The following NLRP5 variants were observed in gnomAD, a reference collection of about 807,000 sequenced individuals.
NLRP5 encodes the protein NACHT, LRR and PYD domains-containing protein 5.
In NLRP5, 93 loss-of-function variants were observed where a neutral mutation model predicts 113.1. That is an observed-to-expected ratio of 0.82 (90% CI 0.70 to 0.98). The LOEUF (loss-of-function observed/expected upper bound fraction) is 0.98, where lower values mean the gene tolerates loss of function less well. NLRP5 is among the 50% of genes least tolerant of loss of function. The probability of loss-of-function intolerance (pLI) is 0.00; values close to 1 mark genes in which losing one functional copy is unlikely to be tolerated. For synonymous variants in NLRP5, 751 were observed against 600.7 expected, an observed-to-expected ratio of 1.25 and a Z score of -3.66; for missense variants, 1,808 against 1,514.3, an observed-to-expected ratio of 1.19 and a Z score of -3.22.
chr19:56,042,064 C>T (rs1983542007), intron 11 of NLRP5, among the ~76,000 whole-genome samples: 1 of 152,188 alleles, frequency 6.6e-6, no homozygotes, highest in South Asian at 2.1e-4. Flanking sequence ...ATCAGTTCAG[C>T]CTCCACTGGG....
intron 11 of NLRP5, among the ~76,000 whole-genome samples, chr19:56,045,698 G>T (rs1015464021): frequency 1.3e-5 from 2 of 152,052 alleles, no homozygotes; most frequent in African/African-American, 2.4e-5. Flanking sequence ...TAGTTTTATC[G>T]GTTAGGGATA....
At chr19:56,060,517 C>T (rs769954385) in intron 14 of NLRP5, among the ~76,000 whole-genome samples, 1 of 151,980 alleles carries the variant, frequency 6.6e-6, no homozygotes, top group Non-Finnish European at 1.5e-5. Flanking sequence ...TGCTTAAAGT[C>T]ACTGTTTCCA....
At chr19:56,008,906 C>T (rs886404678) in intron 3 of NLRP5, 53 bp downstream of exon 3, 13 of 1,491,580 alleles carry the variant, frequency 8.7e-6, no homozygotes, top group East Asian at 4.6e-5. Flanking sequence ...CACATGGCAG[C>T]CAGTTTGCAT....
intron 14 of NLRP5, among the ~76,000 whole-genome samples, chr19:56,060,618 A>G (rs931842225): frequency 6.6e-6 from 1 of 152,178 alleles, no homozygotes; most frequent in African/African-American, 2.4e-5. Context: ...GAAGGAATTC[A>G]TGGATGGACT....
At chr19:56,019,530 A>G in intron 5 of NLRP5, 132 bp downstream of exon 5, 1 of 991,494 alleles carries the variant, frequency 1.0e-6, no homozygotes, top group African/African-American at 1.6e-5. Flanking sequence ...TCTGGTGTCA[A>G]CCCCTTCCCT....
intron 7 of NLRP5, among the ~76,000 whole-genome samples, chr19:56,031,331 A>G (rs565325591): frequency 6.6e-6 from 1 of 152,070 alleles, no homozygotes; most frequent in Non-Finnish European, 1.5e-5. Context: ...AGACATTTCA[A>G]AGTAGAATCA....
chr19:56,040,989 A>G lies in NLRP5; in HGVS notation c.2854A>G (p.Ser952Gly), dbSNP rs769771578. 6.2e-6 allele frequency: 10 copies of G among 1,613,834 alleles called. No homozygotes were observed. Among genetic ancestry groups the G allele is most frequent in the Non-Finnish European group, 5.9e-6 (7 of 1,179,886 alleles). The change falls in exon 11 of 15, where the codon AGC becomes GGC. Residue 952 changes from serine to glycine, a missense_variant. By Grantham distance (56) the Ser-to-Gly change is moderately conservative. Coordinates refer to ENST00000390649, the MANE Select transcript of NLRP5 (RefSeq NM_153447.4). ...GGCCTCAGCCCTCGTCAGCAACCGG[A>G]GCTTGACACACCTGTGCCTATCCAA...
the NLRP5 span, among the ~76,000 whole-genome samples, chr19:55,992,914 A>G: frequency 2.0e-5 from 3 of 151,812 alleles, no homozygotes; most frequent in African/African-American, 7.3e-5. Flanking sequence ...CAATGGTGCA[A>G]TCTTGGCTCA....
intron 3 of NLRP5, 130 bp downstream of exon 3, chr19:56,008,983 G>T: frequency 1.3e-6 from 1 of 784,690 alleles, no homozygotes; most frequent in Non-Finnish European, 2.2e-6. Flanking sequence ...CCCTACATTA[G>T]CTGACCGGAT....
In NLRP5 at chr19:56,050,481, C is replaced by T. The variant is rs775068233; in HGVS notation, c.3021C>T (p.Asn1007=). The T allele has an allele frequency of 6.2e-7, 1 of 1,613,916 alleles. No individual in the cohort carries two copies. Among genetic ancestry groups the T allele is most frequent in the African/African-American group, 1.3e-5 (1 of 75,034 alleles). The change falls in exon 12 of 15, where the codon AAC becomes AAT. Residue 1007 remains asparagine (N), a synonymous_variant. Transcript: ENST00000390649. The stretch of plus-strand genomic sequence containing the variant: ...TTCTTGCACTTGCGCTTATGGGTAA[C>T]TCATGGCTGACGCACCTGAGCCTTA...
In NLRP5 at chr19:56,038,215, C is replaced by T. The variant is rs766141476; in HGVS notation, c.2786+20C>T. ...GCTGATGTGAGTGCCACTTCCTTTC[C>T]ACCAGGATTATCGTAACTTCCACCA... is the stretch of plus-strand genomic sequence containing the variant. On this transcript the variant is annotated intron_variant, in intron 10 of 14. Coordinates refer to ENST00000390649, the MANE Select transcript of NLRP5 (RefSeq NM_153447.4). 3 of 1,581,260 alleles carry T rather than the reference C, an allele frequency of 1.9e-6. No homozygotes were observed. The highest frequency in any genetic ancestry group is 2.6e-6 in the Non-Finnish European group (3 of 1,155,468).
intron 9 of NLRP5, among the ~76,000 whole-genome samples, chr19:56,035,737 T>C (rs1169422592): frequency 1.3e-5 from 2 of 152,178 alleles, no homozygotes; most frequent in African/African-American, 2.4e-5. Flanking sequence ...GAACTGCTCT[T>C]TTCCTGACAC....
the NLRP5 span, among the ~76,000 whole-genome samples, chr19:55,992,317 C>T: frequency 6.6e-6 from 1 of 152,102 alleles, no homozygotes; most frequent in African/African-American, 2.4e-5. Flanking sequence ...GTAAACAGTG[C>T]CACGGTGAAC....
chr19:56,037,714 A>AAAAAAAT, intron 9 of NLRP5, among the ~76,000 whole-genome samples: 1 of 131,742 alleles, frequency 7.6e-6, no homozygotes. Context: ...AAAAAAAAAA[A>AAAAAAAT]TGTTGGCTGG....
In NLRP5 at chr19:56,004,689, A is replaced by G. The variant is rs528899591; in HGVS notation, c.442+594A>G. Among the ~76,000 whole-genome samples the G allele has an allele frequency of 1.7e-4, 26 of 152,168 alleles. No individual in the cohort carries two copies. In the South Asian group the frequency reaches 5.4e-3, roughly 32 times the overall value. On this transcript the variant is annotated intron_variant, in intron 2 of 14. Coordinates refer to ENST00000390649, the MANE Select transcript of NLRP5 (RefSeq NM_153447.4). Reference sequence around the variant, plus strand: ...TCAGATTCTATGATTATTTTAGGGTACTTAGGAGAAAGGTCATTTAGAAAA... The same window carrying G: ...TCAGATTCTATGATTATTTTAGGGTGCTTAGGAGAAAGGTCATTTAGAAAA...
intron 2 of NLRP5, among the ~76,000 whole-genome samples, chr19:56,005,212 CACACAT>C (rs1158105682): frequency 8.0e-6 from 1 of 124,306 alleles, no homozygotes; most frequent in African/African-American, 2.8e-5. Flanking sequence ...CATACACATA[CACACAT>C]ATACACATAT....
At chr19:56,033,747 G>C (rs546018139) in intron 9 of NLRP5, 38 bp downstream of exon 9, 1 of 1,532,582 alleles carries the variant, frequency 6.5e-7, no homozygotes, top group Non-Finnish European at 8.9e-7. Flanking sequence ...GTTTTTCTTC[G>C]TTTTTACTTG....
intron 3 of NLRP5, among the ~76,000 whole-genome samples, chr19:56,015,511 T>C (rs1330685509): frequency 6.6e-6 from 1 of 152,228 alleles, no homozygotes; most frequent in African/African-American, 2.4e-5. Flanking sequence ...CATTTTATTT[T>C]GTTTACTGCC....
intron 6 of NLRP5, among the ~76,000 whole-genome samples, chr19:56,022,165 A>C (rs188811189): frequency 1.4e-4 from 21 of 152,336 alleles, no homozygotes; most frequent in African/African-American, 5.1e-4. Flanking sequence ...ACTGTTCTCC[A>C]CATTTTGATT....
Sources: gnomAD v4.1 joint callset for allele counts (sites outside exome capture counted in the v4.1 genomes callset) on GRCh38, gnomAD v4.1.1 for gene constraint, MANE v1.5 for transcripts, NCBI Gene and HGNC (gene_info 2026-07-23, HGNC 2026-07-21) for gene names.